The following FARS2 variants were observed in gnomAD, a reference collection of about 807,000 sequenced individuals.
The protein encoded by FARS2 is phenylalanyl-tRNA synthetase 2, mitochondrial.
FARS2 carries 40 observed loss-of-function variants against 46.4 expected under a neutral mutation model. That is an observed-to-expected ratio of 0.86 (90% CI 0.67 to 1.12). FARS2 has a LOEUF of 1.12. FARS2 is among the 50% of genes most tolerant of loss of function. The pLI is 0.00. For missense variants in FARS2, 513 were observed against 567.9 expected (o/e 0.90, Z 0.98); for synonymous variants, 234 against 214.9 (o/e 1.09, Z -0.78).
At chr6:5,472,235 C>T (rs909235559) in intron 4 of FARS2, among the ~76,000 whole-genome samples, 1 of 152,066 alleles carries the variant, frequency 6.6e-6, no homozygotes, top group Non-Finnish European at 1.5e-5. Flanking sequence ...TTAGCAGGCA[C>T]GCTGGGATTT....
chr6:5,738,823 A>G (rs1405925516), intron 6 of FARS2, among the ~76,000 whole-genome samples: 1 of 152,174 alleles, frequency 6.6e-6, no homozygotes, highest in Non-Finnish European at 1.5e-5. Context: ...AACTTTAACC[A>G]AAGAGTTGCG....
intron 1 of FARS2, among the ~76,000 whole-genome samples, chr6:5,292,133 G>A (rs1561936534): frequency 1.3e-5 from 2 of 152,140 alleles, no homozygotes; most frequent in African/African-American, 4.8e-5. Flanking sequence ...CCTTGGCTGA[G>A]GGAGCTATGT....
chr6:5,295,230 A>G (rs1428386886), intron 1 of FARS2, among the ~76,000 whole-genome samples: 1 of 152,230 alleles, frequency 6.6e-6, no homozygotes, highest in Non-Finnish European at 1.5e-5. Flanking sequence ...ATAACCTAGC[A>G]AGGTGAGCAG....
intron 2 of FARS2, among the ~76,000 whole-genome samples, chr6:5,404,312 G>C (rs1761427595): frequency 6.6e-6 from 1 of 152,226 alleles, no homozygotes; most frequent in African/African-American, 2.4e-5. Context: ...GCAAAGATCA[G>C]AAGAGTGTCT....
At chr6:5,663,669 C>T (rs189477347) in intron 6 of FARS2, among the ~76,000 whole-genome samples, 5 of 152,218 alleles carry the variant, frequency 3.3e-5, no homozygotes, top group African/African-American at 4.8e-5. Context: ...GAAGGGGTGG[C>T]GCGGGCTCCA....
At position 5,765,032 on chromosome 6, in the gene FARS2, A is replaced by G. The variant is rs1245193798; in HGVS notation, c.1218-6259A>G. On this transcript the variant is annotated intron_variant, in intron 6 of 6. Transcript: ENST00000274680. This position sits in a 1 kb window ranked among gnomAD's most constrained non-coding sequence, Gnocchi z 4.0. Reference sequence around the variant, plus strand: ...GGGGAGGGACCCCTTTTAAACATTTATAGTTTTGAGAATGCTTCACTGATC... The same window carrying G: ...GGGGAGGGACCCCTTTTAAACATTTGTAGTTTTGAGAATGCTTCACTGATC... Among the ~76,000 whole-genome samples the G allele has an allele frequency of 4.6e-5, 7 of 152,210 alleles. No individual in the cohort carries two copies. The highest frequency in any genetic ancestry group is 1.7e-4 in the African/African-American group (7 of 41,438).
rs371561545 is a variant in FARS2 at position 5,284,689 on chromosome 6, C to T, written c.-22+23029C>T. 5.9e-5 allele frequency among the ~76,000 whole-genome samples: 9 copies of T among 152,294 alleles called. No homozygotes were observed. In the South Asian group the frequency reaches 1.5e-3, roughly 25 times the overall value. On this transcript the variant is annotated intron_variant, in intron 1 of 6. Coordinates refer to ENST00000274680, the MANE Select transcript of FARS2 (RefSeq NM_006567.5). Reference sequence around the variant, plus strand: ...GTTTACTGTCTTCCATCCCCTTCAACTCATCTGTGGCATTTCACACCCTGA... The same window carrying T: ...GTTTACTGTCTTCCATCCCCTTCAATTCATCTGTGGCATTTCACACCCTGA...
chr6:5,400,346 C>G (rs1301507947), intron 2 of FARS2, among the ~76,000 whole-genome samples: 1 of 151,642 alleles, frequency 6.6e-6, no homozygotes, highest in Admixed American at 6.6e-5. Context: ...AGTGGTATTA[C>G]CTCTTTGTGG....
At chr6:5,405,477 G>GTTGTTTTTTTTTT (rs1554181324) in intron 3 of FARS2, among the ~76,000 whole-genome samples, 1 of 93,178 alleles carries the variant, frequency 1.1e-5, no homozygotes, top group African/African-American at 4.6e-5. Flanking sequence ...GTGGAGCAAG[G>GTTGTTTTTTTTTT]TTCTTTTTTT....
chr6:5,292,958 G>T (rs1260830172), intron 1 of FARS2, among the ~76,000 whole-genome samples: 2 of 151,934 alleles, frequency 1.3e-5, no homozygotes, highest in Non-Finnish European at 2.9e-5. Context: ...CTGAGGGAAG[G>T]CACAGTTCTG....
rs938962761 is a variant in FARS2 at position 5,764,611 on chromosome 6, G to C, written c.1218-6680G>C. Among the ~76,000 whole-genome samples the C allele has an allele frequency of 6.6e-6, 1 of 152,166 alleles. No homozygotes were observed. Among genetic ancestry groups the C allele is most frequent in the Non-Finnish European group, 1.5e-5 (1 of 68,042 alleles). ...TGAGTAATCCCTGCATGAATAGATG[G>C]CAGCTGCAGTGACTGCTGGTCATAT... On this transcript the variant is annotated intron_variant, in intron 6 of 6. Transcript: ENST00000274680. The surrounding 1 kb of genome is among the most constrained non-coding windows in gnomAD (Gnocchi z 4.1).
chr6:5,548,060 C>T (rs767241309), intron 5 of FARS2, among the ~76,000 whole-genome samples: 9 of 152,190 alleles, frequency 5.9e-5, no homozygotes, highest in African/African-American at 1.9e-4. Context: ...TCTTACATGG[C>T]AGCAGCAAGA....
At chr6:5,380,984 T>G (rs1039075004) in intron 2 of FARS2, among the ~76,000 whole-genome samples, 13 of 138,794 alleles carry the variant, frequency 9.4e-5, no homozygotes, top group African/African-American at 3.4e-4. Flanking sequence ...ATTTATTTAT[T>G]TATTTATTTA....
At chr6:5,407,801 T>C (rs1315910222) in intron 3 of FARS2, among the ~76,000 whole-genome samples, 3 of 152,204 alleles carry the variant, frequency 2.0e-5, no homozygotes, top group African/African-American at 7.2e-5. Flanking sequence ...CAGCATCTCT[T>C]TGCTTTCATG....
chr6:5,609,531 C>T (rs1199468985), intron 5 of FARS2: 2 of 1,263,718 alleles, frequency 1.6e-6, no homozygotes, highest in Non-Finnish European at 2.3e-6. Flanking sequence ...ACTGAAGTTT[C>T]CTCCATGACC....
intron 5 of FARS2, among the ~76,000 whole-genome samples, chr6:5,584,694 A>G (rs781649771): frequency 3.3e-5 from 5 of 152,096 alleles, no homozygotes; most frequent in Non-Finnish European, 4.4e-5. Flanking sequence ...TTAACCTTCC[A>G]TAGATATGCA....
chr6:5,409,055 A>G (rs1336714667), intron 3 of FARS2, among the ~76,000 whole-genome samples: 3 of 152,182 alleles, frequency 2.0e-5, no homozygotes, highest in Admixed American at 2.0e-4. Context: ...TCAAATGCAG[A>G]TGTCAGGTTT....
At chr6:5,422,952 A>T (rs1202285919) in intron 3 of FARS2, among the ~76,000 whole-genome samples, 1 of 152,188 alleles carries the variant, frequency 6.6e-6, no homozygotes, top group Non-Finnish European at 1.5e-5. Flanking sequence ...ACTCTGTGAG[A>T]TATTCTTATT....
At chr6:5,339,919 G>A (rs879417398) in intron 1 of FARS2, among the ~76,000 whole-genome samples, 2 of 152,220 alleles carry the variant, frequency 1.3e-5, no homozygotes, top group Admixed American at 6.5e-5. Flanking sequence ...ATGCTGACAA[G>A]GACAGAGAGC....
Sources: allele counts gnomAD v4.1 joint callset (sites outside exome capture counted in the v4.1 genomes callset), GRCh38; gene constraint gnomAD v4.1.1; non-coding constraint Gnocchi (gnomAD v3.1); transcripts MANE v1.5; gene names NCBI Gene and HGNC (gene_info 2026-07-23, HGNC 2026-07-21).